Variants in PTPRS observed in about 807,000 individuals in gnomAD.
The protein encoded by PTPRS is receptor-type tyrosine-protein phosphatase S.
Under a neutral mutation model 215.3 loss-of-function variants are expected in PTPRS, and 63 were observed. That is an observed-to-expected ratio of 0.29 (90% CI 0.24 to 0.36). The LOEUF is 0.36. PTPRS is among the 10% of genes least tolerant of loss of function. The pLI is 1.00. For synonymous variants in PTPRS, 1,404 were observed against 1,191.4 expected, an observed-to-expected ratio of 1.18 and a Z score of -3.68; for missense variants, 2,258 against 2,825.8, an observed-to-expected ratio of 0.80 and a Z score of 4.56.
Position 5,210,477 on chromosome 19 carries a change from C to A in PTPRS, c.5479G>T (p.Asp1827Tyr). 1 of 1,614,202 alleles carries A rather than the reference C, an allele frequency of 6.2e-7. No individual in the cohort carries two copies. The change falls in exon 35 of 38, where the codon GAT becomes TAT. Residue 1827 changes from aspartate (D) to tyrosine (Y), a missense_variant. By Grantham distance (160) the Asp-to-Tyr change is radical. Transcript: ENST00000262963. This position sits in a 1 kb window ranked among gnomAD's most constrained non-coding sequence, Gnocchi z 4.5. ...QYILREFKVT[D>Y]ARDGQSRTVR... ...TCTGTCTCTTCACTCACCCGGGCAT[C>A]TGTGACCTTGAACTCTCGCAGGATA...
intron 2 of PTPRS, among the ~76,000 whole-genome samples, chr19:5,279,918 C>A (rs1244114287): frequency 2.0e-5 from 3 of 151,984 alleles, no homozygotes; most frequent in East Asian, 3.9e-4. Context: ...CTCCTGACCT[C>A]GTGATCCACC....
chr19:5,257,107 A>C lies in PTPRS; in HGVS notation c.706+910T>G, dbSNP rs1288854172. Among the ~76,000 whole-genome samples the C allele has an allele frequency of 6.0e-5, 9 of 150,346 alleles. No individual in the cohort carries two copies. Among genetic ancestry groups the C allele is most frequent in the Admixed American group, 1.3e-4 (2 of 14,986 alleles). On this transcript the variant is annotated intron_variant, in intron 8 of 37. Transcript: ENST00000262963. The surrounding 1 kb of genome is among the most constrained non-coding windows in gnomAD (Gnocchi z 4.4). ...GGTGAAAGGGAGGAGGAGGAGGAAG[A>C]CTACAACTTCTGAAAAGACCCAAGA...
intron 11 of PTPRS, among the ~76,000 whole-genome samples, chr19:5,242,473 T>C (rs2044124855): frequency 6.6e-6 from 1 of 151,336 alleles, no homozygotes; most frequent in Admixed American, 6.6e-5. Flanking sequence ...GTTCAAGTGA[T>C]TCTCCTGCCT....
intron 9 of PTPRS, among the ~76,000 whole-genome samples, chr19:5,253,211 G>A (rs2045289134): frequency 6.6e-6 from 1 of 152,154 alleles, no homozygotes; most frequent in Non-Finnish European, 1.5e-5. Context: ...TTTAAAAATG[G>A]ACACATTTTG....
intron 1 of PTPRS, among the ~76,000 whole-genome samples, chr19:5,315,678 G>C (rs970369185): frequency 2.7e-5 from 4 of 146,716 alleles, no homozygotes; most frequent in African/African-American, 7.6e-5. Flanking sequence ...TTTTTGCAGA[G>C]ATGGCGTCTT....
Position 5,214,368 on chromosome 19 carries a change from A to G in PTPRS, c.4607T>C (p.Leu1536Pro). The change falls in exon 30 of 38, where the codon CTG (leucine) becomes CCG (proline). Residue 1536 changes from leucine (L) to proline (P), a missense_variant. By Grantham distance (98) the Leu-to-Pro change is moderately conservative. This residue lies in a region of PTPRS where 927 missense variants were observed against 1,125.9 expected (regional missense o/e 0.82). Coordinates refer to ENST00000262963, the MANE Select transcript of PTPRS (RefSeq NM_002850.4). ...CCCCAGCCTGGGCCCCACCTTGTGC[A>G]GAGAGAATGTCCTGACGCAGAATGT... ...LATFCVRTFS[L>P]HKNGSSEKRE... is the part of the protein sequence containing the mutation. 1 of 1,614,096 alleles carries G rather than the reference A, an allele frequency of 6.2e-7. No homozygotes were observed. The highest frequency in any genetic ancestry group is 8.5e-7 in the Non-Finnish European group (1 of 1,180,008).
At chr19:5,281,233 G>GGA (rs1242319661) in intron 2 of PTPRS, among the ~76,000 whole-genome samples, 2 of 152,114 alleles carry the variant, frequency 1.3e-5, no homozygotes, top group Admixed American at 1.3e-4. Context: ...GGCCAAAGCG[G>GGA]GAGGATCAAC....
intron 35 of PTPRS, among the ~76,000 whole-genome samples, chr19:5,208,995 A>T (rs2040622405): frequency 6.6e-6 from 1 of 152,114 alleles, no homozygotes; most frequent in African/African-American, 2.4e-5. Context: ...CAATGGTGCC[A>T]TCATCTTTCA....
intron 1 of PTPRS, among the ~76,000 whole-genome samples, chr19:5,314,051 C>T (rs1409452308): frequency 3.3e-5 from 5 of 152,034 alleles, no homozygotes; most frequent in Admixed American, 6.6e-5. Flanking sequence ...GTGGAAGGAT[C>T]GCTTGAGCCC....
In PTPRS at chr19:5,222,946, C is replaced by A; in HGVS notation, c.2846G>T (p.Arg949Leu). The change falls in exon 18 of 38, where the codon CGC becomes CTC. Residue 949 changes from arginine (R) to leucine (L), a missense_variant. Arg to Leu is a moderately radical substitution (Grantham distance 102, BLOSUM62 -2). Coordinates refer to ENST00000262963, the MANE Select transcript of PTPRS (RefSeq NM_002850.4). ...GNASAGTVLL[R>L]WLPPVPAERN... The stretch of plus-strand genomic sequence containing the variant: ...CTCGGCGGGCACGGGTGGCAGCCAG[C>A]GGAGAAGGACGGTCCCGGCCGAGGC... 1.3e-6 allele frequency: 2 copies of A among 1,550,414 alleles called. No individual in the cohort carries two copies. Among genetic ancestry groups the A allele is most frequent in the Non-Finnish European group, 1.7e-6 (2 of 1,154,828 alleles).
In PTPRS at chr19:5,223,095, G is replaced by A. The variant is rs1172707563; in HGVS notation, c.2697C>T (p.Ala899=). Residue 899 remains alanine, a synonymous_variant, in exon 18 of 38, where the codon GCC becomes GCT. Coordinates refer to ENST00000262963, the MANE Select transcript of PTPRS (RefSeq NM_002850.4). ...RYTASGVHKG[A]TYVFRLAARS... is the part of the protein sequence containing the mutation. The stretch of plus-strand genomic sequence containing the variant: ...GGGCCGCAAGCCGGAACACATACGT[G>A]GCCCCCTTGTGCACGCCTGATGCCG... 7 of 1,563,424 alleles carry A rather than the reference G, an allele frequency of 4.5e-6. No homozygotes were observed. The highest frequency in any genetic ancestry group is 1.4e-5 in the African/African-American group (1 of 73,458).
rs1210337335 is a variant in PTPRS, at chr19:5,215,575, T to C, written c.4117A>G (p.Ile1373Val). 1.2e-6 allele frequency: 2 copies of C among 1,609,366 alleles called. No individual in the cohort carries two copies. Among genetic ancestry groups the C allele is most frequent in the East Asian group, 2.2e-5 (1 of 44,780 alleles). ...TGCTCCGCCATGTCTGCGATGGGAA[T>C]TGGCGGGTGGCTAAGCATGCCTACA... ...HFESMLSHPP[I>V]PIADMAEHTE... is the part of the protein sequence containing the mutation. Residue 1373 changes from isoleucine to valine, a missense_variant, in exon 27 of 38, where the codon ATT becomes GTT. Around this residue, in one of 6 missense-constraint regions of PTPRS, gnomAD observed 927 missense variants for 1,125.9 expected, o/e 0.82. Coordinates refer to ENST00000262963, the MANE Select transcript of PTPRS (RefSeq NM_002850.4).
chr19:5,213,511 TTTC>T (rs555313131), intron 30 of PTPRS, among the ~76,000 whole-genome samples: 244 of 152,376 alleles, frequency 1.6e-3, no homozygotes, highest in African/African-American at 5.6e-3. Flanking sequence ...ACATGTAAGC[TTTC>T]TTGACATTTC....
chr19:5,210,670 C>G lies in PTPRS; in HGVS notation c.5361+9G>C. 6.2e-7 allele frequency: 1 copy of G among 1,614,154 alleles called. No homozygotes were observed. Among genetic ancestry groups the G allele is most frequent in the Non-Finnish European group, 8.5e-7 (1 of 1,180,034 alleles). On this transcript the variant is annotated intron_variant, in intron 34 of 37. Transcript: ENST00000262963. This position sits in a 1 kb window ranked among gnomAD's most constrained non-coding sequence, Gnocchi z 4.5. ...CCCTCGCCCTTCCCTGCTGTGGCCC[C>G]TAGCTCACCCGGCCCATCTCCCGCA... is the stretch of plus-strand genomic sequence containing the variant.
Position 5,206,650 on chromosome 19 carries a change from A to G in PTPRS, c.*124T>C. ...GCGTCGTCCTCGGAAATGGTGCAGAAACACAGCTGCTGCCGCTGCCACCTC... is the reference window on the plus strand; with the variant it reads ...GCGTCGTCCTCGGAAATGGTGCAGAGACACAGCTGCTGCCGCTGCCACCTC... On this transcript the variant is annotated 3_prime_UTR_variant, in exon 38 of 38. Transcript: ENST00000262963. 1 of 822,612 alleles carries G rather than the reference A, an allele frequency of 1.2e-6. No homozygotes were observed. Among genetic ancestry groups the G allele is most frequent in the Non-Finnish European group, 2.0e-6 (1 of 504,232 alleles). 51.0% of individuals were successfully genotyped at this position (822,612 alleles called of 1,614,324 possible).
rs754693305 is a variant in PTPRS, at chr19:5,206,757, T to TG, written c.*16dup. The TG allele has an allele frequency of 3.1e-5, 50 of 1,611,594 alleles. No homozygotes were observed. Among genetic ancestry groups the TG allele is most frequent in the East Asian group, 1.3e-4 (6 of 44,860 alleles). ...CATCCGGGGCCAGTGGTGTCGGGCC[T>TG]GGGGGGAACCATGGCTTTAGGTTGC... On this transcript the variant is annotated 3_prime_UTR_variant, in exon 38 of 38. Transcript: ENST00000262963.
chr19:5,329,453 C>T (rs779016864), intron 1 of PTPRS, among the ~76,000 whole-genome samples: 47 of 152,134 alleles, frequency 3.1e-4, no homozygotes, highest in Non-Finnish European at 5.4e-4. Flanking sequence ...AAAATGAAAC[C>T]GTGGGGTTTT....
chr19:5,286,407 C>CTA (rs1393408665), intron 1 of PTPRS, 173 bp from the exon 2 acceptor site: 27 of 494,612 alleles, frequency 5.5e-5, no homozygotes, highest in Non-Finnish European at 9.6e-5. Context: ...TGGGCCCTTG[C>CTA]TATAGAATTA....
intron 1 of PTPRS, among the ~76,000 whole-genome samples, chr19:5,331,127 T>A (rs11085128): frequency 0.2 from 15,630 of 79,630 alleles, 1,051 homozygotes; most frequent in South Asian, 0.27. Flanking sequence ...GCTTCTTTTT[T>A]TAAAAAAAAA....
Sources: gnomAD v4.1 joint callset for allele counts (sites outside exome capture counted in the v4.1 genomes callset) on GRCh38, gnomAD v4.1.1 for gene constraint, gnomAD v4.1.1 regional missense constraint, Gnocchi (gnomAD v3.1) non-coding constraint, MANE v1.5 for transcripts, NCBI Gene and HGNC (gene_info 2026-07-23, HGNC 2026-07-21) for gene names.